The following DLG2 variants were observed in gnomAD, a reference collection of about 807,000 sequenced individuals.
The protein encoded by DLG2 is discs large MAGUK scaffold protein 2.
A neutral mutation model predicts 132.5 loss-of-function variants in DLG2; 45 were observed. The observed-to-expected ratio is 0.34, with a 90% CI of 0.27 to 0.44. The LOEUF (loss-of-function observed/expected upper bound fraction) is 0.44, where lower values mean the gene tolerates loss of function less well. DLG2 is among the 20% of genes least tolerant of loss of function. The probability of loss-of-function intolerance (pLI) is 1.00; values close to 1 mark genes in which losing one functional copy is unlikely to be tolerated. For missense variants in DLG2, 1,045 were observed against 1,196.9 expected (o/e 0.87, Z 1.87); for synonymous variants, 424 against 419.6 (o/e 1.01, Z -0.13).
At chr11:85,080,855 A>C (rs1054977237) in intron 6 of DLG2, among the ~76,000 whole-genome samples, 12 of 152,090 alleles carry the variant, frequency 7.9e-5, no homozygotes, top group African/African-American at 2.2e-4. Context: ...GGGGTGATTA[A>C]TTTTTCTATT....
intron 6 of DLG2, among the ~76,000 whole-genome samples, chr11:84,861,640 C>CA (rs1248486704): frequency 1.2e-4 from 9 of 75,674 alleles, no homozygotes; most frequent in East Asian, 3.3e-4. Context: ...AAAAAAAAAA[C>CA]AAAAAAAAAA....
At chr11:84,013,526 G>C (rs192226251) in intron 11 of DLG2, among the ~76,000 whole-genome samples, 493 of 152,198 alleles carry the variant, frequency 3.2e-3, no homozygotes, top group Non-Finnish European at 5.7e-3. Flanking sequence ...TCAGTTAATA[G>C]AACTGATTTG....
At chr11:85,425,984 G>C (rs1265863491) in intron 3 of DLG2, among the ~76,000 whole-genome samples, 1 of 152,242 alleles carries the variant, frequency 6.6e-6, no homozygotes, top group Admixed American at 6.5e-5. Context: ...CATACCAGAA[G>C]ATTACATCCT....
chr11:84,352,281 G>A (rs776877904), intron 7 of DLG2, among the ~76,000 whole-genome samples: 6 of 152,022 alleles, frequency 3.9e-5, no homozygotes, highest in Non-Finnish European at 7.4e-5. Context: ...ATGAACCTTG[G>A]GAAAGACAAG....
rs112415489 is a variant in DLG2 at position 84,972,312 on chromosome 11, T to TA, written c.357+139348dup. Reference sequence around the variant, plus strand: ...ACATTTGCATACACAGTCTTTCCTATAAAAAAAAACTGAGTCTTTTAATCT... The same window carrying TA: ...ACATTTGCATACACAGTCTTTCCTATAAAAAAAAAACTGAGTCTTTTAATCT... On this transcript the variant is annotated intron_variant, in intron 6 of 27. Coordinates refer to ENST00000376104, the MANE Select transcript of DLG2 (RefSeq NM_001142699.3). 6.8e-3 allele frequency among the ~76,000 whole-genome samples: 1,024 copies of TA among 151,508 alleles called. 21 individuals are homozygous for TA. Among genetic ancestry groups the TA allele is most frequent in the African/African-American group, 7.5e-3 (311 of 41,322 alleles).
At chr11:84,854,135 A>T (rs1294511213) in intron 6 of DLG2, among the ~76,000 whole-genome samples, 1 of 151,726 alleles carries the variant, frequency 6.6e-6, no homozygotes, top group Non-Finnish European at 1.5e-5. Flanking sequence ...CCCACAAGGC[A>T]TTAAGGACAG....
chr11:84,633,856 G>A (rs2099636242), intron 6 of DLG2, among the ~76,000 whole-genome samples: 1 of 152,096 alleles, frequency 6.6e-6, no homozygotes, highest in Admixed American at 6.6e-5. Flanking sequence ...AATTTGGACT[G>A]AGTGAAATAA....
At chr11:83,668,928 C>T (rs185800375) in intron 18 of DLG2, among the ~76,000 whole-genome samples, 1,559 of 150,506 alleles carry the variant, frequency 0.01, 7 homozygotes, top group Non-Finnish European at 0.016. Flanking sequence ...CGCTCAGCAC[C>T]AAATTACTAG....
Position 85,069,385 on chromosome 11 carries a change from A to G in DLG2, c.357+42276T>C, listed in dbSNP as rs188388943. On this transcript the variant is annotated intron_variant, in intron 6 of 27. Coordinates refer to ENST00000376104, the MANE Select transcript of DLG2 (RefSeq NM_001142699.3). ...CAGGCAACCTACAGAATGGGAGAAA[A>G]TTTTTGCAAGCTACGCATCTGACAA... 2.5e-3 allele frequency among the ~76,000 whole-genome samples: 382 copies of G among 152,238 alleles called. 2 individuals are homozygous for G. The highest frequency in any genetic ancestry group is 4.0e-3 in the Non-Finnish European group (275 of 68,006).
At chr11:83,595,926 T>C (rs2057502898) in intron 19 of DLG2, among the ~76,000 whole-genome samples, 1 of 152,172 alleles carries the variant, frequency 6.6e-6, no homozygotes, top group East Asian at 1.9e-4. Context: ...TATATCAAAA[T>C]GTTACCCAGA....
At chr11:84,085,390 T>A (rs2096962120) in intron 10 of DLG2, among the ~76,000 whole-genome samples, 1 of 152,128 alleles carries the variant, frequency 6.6e-6, no homozygotes, top group Non-Finnish European at 1.5e-5. Flanking sequence ...TAAAAACAAA[T>A]GCCTTATCAC....
intron 3 of DLG2, among the ~76,000 whole-genome samples, chr11:85,502,349 C>T (rs534999932): frequency 4.6e-4 from 70 of 151,496 alleles, no homozygotes; most frequent in African/African-American, 1.4e-3. Context: ...CAAACCACCA[C>T]GACACGACAC....
At chr11:85,302,583 A>C (rs2079655684) in intron 3 of DLG2, among the ~76,000 whole-genome samples, 1 of 151,988 alleles carries the variant, frequency 6.6e-6, no homozygotes, top group Non-Finnish European at 1.5e-5. Flanking sequence ...GGCCTGGTAT[A>C]AGAACTCTGC....
intron 7 of DLG2, among the ~76,000 whole-genome samples, chr11:84,354,233 A>T (rs1036119756): frequency 6.6e-6 from 1 of 152,296 alleles, no homozygotes; most frequent in African/African-American, 2.4e-5. Flanking sequence ...AAAGTGGAAG[A>T]TTTCAGTAGT....
Position 84,595,679 on chromosome 11 carries a change from C to T in DLG2, c.358-60948G>A, listed in dbSNP as rs77537042. On this transcript the variant is annotated intron_variant, in intron 6 of 27. Coordinates refer to ENST00000376104, the MANE Select transcript of DLG2 (RefSeq NM_001142699.3). ...TAGGTTATTACTGTTTCATTTCTTC[C>T]GGAAGTTGTTTCAAGCTTTATTTAA... Among the ~76,000 whole-genome samples the T allele has an allele frequency of 2.2e-3, 339 of 152,088 alleles. 3 individuals are homozygous for T. The highest frequency in any genetic ancestry group is 7.5e-3 in the African/African-American group (311 of 41,476).
intron 3 of DLG2, among the ~76,000 whole-genome samples, chr11:85,414,422 C>T (rs1029956598): frequency 4.0e-5 from 6 of 151,822 alleles, no homozygotes; most frequent in Non-Finnish European, 2.9e-5. Context: ...CTGGCTAGGG[C>T]TTGCAGTACT....
intron 6 of DLG2, among the ~76,000 whole-genome samples, chr11:85,030,045 A>T (rs1334299928): frequency 6.6e-6 from 1 of 152,176 alleles, no homozygotes; most frequent in Non-Finnish European, 1.5e-5. Flanking sequence ...CTGTCCATAA[A>T]TCTTCTTCCA....
intron 7 of DLG2, among the ~76,000 whole-genome samples, chr11:84,396,387 T>TA (rs565615067): frequency 4.0e-5 from 6 of 151,574 alleles, no homozygotes; most frequent in African/African-American, 1.2e-4. Flanking sequence ...AAAGATACTT[T>TA]AAAAAAAAAT....
intron 2 of DLG2, among the ~76,000 whole-genome samples, chr11:85,599,488 G>A (rs934468257): frequency 6.6e-6 from 1 of 151,454 alleles, no homozygotes; most frequent in Non-Finnish European, 1.5e-5. Flanking sequence ...AGGGGTTCTT[G>A]TCAGGCAAAT....
Sources: gnomAD v4.1 joint callset for allele counts (sites outside exome capture counted in the v4.1 genomes callset) on GRCh38, gnomAD v4.1.1 for gene constraint, MANE v1.5 for transcripts, NCBI Gene and HGNC (gene_info 2026-07-23, HGNC 2026-07-21) for gene names.